POU6F2: variants seen among roughly 807,000 people sequenced by gnomAD.
POU6F2 encodes the protein POU class 6 homeobox 2, also known as POU domain, class 6, transcription factor 2.
Under a neutral mutation model 71.3 loss-of-function variants are expected in POU6F2, and 31 were observed. The observed-to-expected ratio is 0.43, with a 90% CI of 0.33 to 0.59. The LOEUF (loss-of-function observed/expected upper bound fraction) is 0.59. Among genes scored for constraint, POU6F2 ranks in the 20% least tolerant of loss-of-function variants. The pLI is 0.04. For missense variants in POU6F2, 783 were observed against 856.8 expected (o/e 0.91, Z 1.07); for synonymous variants, 347 against 355.7 (o/e 0.98, Z 0.27).
In POU6F2 at chr7:39,208,577, GT is replaced by G. The variant is rs533673490; in HGVS notation, c.598+958del. On this transcript the variant is annotated intron_variant, in intron 4 of 9. Transcript: ENST00000518318. Reference sequence around the variant, plus strand: ...TCCACAAGACTAAGAAACAGACCAAGTAAGAACTGTTCACTCTTGACCCAAA... The same window carrying G: ...TCCACAAGACTAAGAAACAGACCAAGAAGAACTGTTCACTCTTGACCCAAA... Among the ~76,000 whole-genome samples, 13 of 152,318 alleles carry G rather than the reference GT, an allele frequency of 8.5e-5. No homozygotes were observed. The South Asian group carries it at 2.5e-3, about 29-fold the overall frequency.
chr7:39,026,149 G>A (rs1789795375), intron 1 of POU6F2, among the ~76,000 whole-genome samples: 1 of 151,800 alleles, frequency 6.6e-6, no homozygotes, highest in Non-Finnish European at 1.5e-5. Flanking sequence ...TACACTGTTG[G>A]TGGGACTGTA....
chr7:39,407,859 G>A (rs780440914), intron 6 of POU6F2, among the ~76,000 whole-genome samples: 5 of 152,118 alleles, frequency 3.3e-5, no homozygotes, highest in South Asian at 2.1e-4. Context: ...TCAGAACCCC[G>A]AGGGCTGAAC....
At chr7:39,211,849 G>A (rs867688691) in intron 4 of POU6F2, among the ~76,000 whole-genome samples, 19 of 152,204 alleles carry the variant, frequency 1.2e-4, no homozygotes, top group Middle Eastern at 6.8e-3. Context: ...CTTCTCCTGC[G>A]CCCTCCAGGA....
chr7:39,048,539 A>G (rs1461624535), intron 1 of POU6F2, among the ~76,000 whole-genome samples: 2 of 151,956 alleles, frequency 1.3e-5, no homozygotes, highest in Non-Finnish European at 2.9e-5. Context: ...ATGGCTGCCT[A>G]ATAGTCCATG....
At chr7:39,079,274 C>T (rs112929982) in intron 1 of POU6F2, among the ~76,000 whole-genome samples, 36,353 of 149,166 alleles carry the variant, frequency 0.24, 4,616 homozygotes, top group South Asian at 0.4. Context: ...CTGCAACCTC[C>T]GCCTCCCAAG....
At chr7:39,009,763 T>G (rs1461135345) in intron 1 of POU6F2, among the ~76,000 whole-genome samples, 1 of 151,698 alleles carries the variant, frequency 6.6e-6, no homozygotes, top group Non-Finnish European at 1.5e-5. Context: ...AGGCTTTTTC[T>G]GCATCTATTG....
chr7:39,021,745 T>C (rs1190272266), intron 1 of POU6F2, among the ~76,000 whole-genome samples: 1 of 152,064 alleles, frequency 6.6e-6, no homozygotes, highest in Non-Finnish European at 1.5e-5. Context: ...AATCCTTTCA[T>C]TTTAAAATGT....
intron 5 of POU6F2, among the ~76,000 whole-genome samples, chr7:39,371,474 C>T (rs561962658): frequency 8.5e-5 from 13 of 152,280 alleles, no homozygotes; most frequent in Admixed American, 2.0e-4. Flanking sequence ...CCACCACGCC[C>T]GGCCGAGAAT....
intron 2 of POU6F2, among the ~76,000 whole-genome samples, chr7:39,093,729 C>A (rs1791399278): frequency 6.6e-6 from 1 of 152,082 alleles, no homozygotes; most frequent in African/African-American, 2.4e-5. Context: ...GATATTAACA[C>A]AGTGTTTTAA....
At chr7:39,053,163 C>A (rs1054743977) in intron 1 of POU6F2, among the ~76,000 whole-genome samples, 2 of 152,124 alleles carry the variant, frequency 1.3e-5, no homozygotes, top group African/African-American at 4.8e-5. Context: ...GAACTTAGTG[C>A]TCCCTTTTCA....
At chr7:39,167,381 A>G (rs1265433712) in intron 2 of POU6F2, among the ~76,000 whole-genome samples, 1 of 152,206 alleles carries the variant, frequency 6.6e-6, no homozygotes, top group African/African-American at 2.4e-5. Context: ...GCAATTACTC[A>G]TAATTTACTT....
intron 4 of POU6F2, among the ~76,000 whole-genome samples, chr7:39,246,927 T>TTTTTTTTTTTTTTC (rs1783831669): frequency 1.0e-5 from 1 of 97,284 alleles, no homozygotes; most frequent in African/African-American, 3.4e-5. Flanking sequence ...TTTTTTTTTT[T>TTTTTTTTTTTTTTC]TGCGACGGAG....
At chr7:39,403,277 T>C (rs900159919) in intron 5 of POU6F2, among the ~76,000 whole-genome samples, 2 of 152,212 alleles carry the variant, frequency 1.3e-5, no homozygotes, top group African/African-American at 4.8e-5. Flanking sequence ...TAGTGGGATT[T>C]AGACTCCAGA....
intron 2 of POU6F2, among the ~76,000 whole-genome samples, chr7:39,157,358 A>G (rs1792892393): frequency 6.6e-6 from 1 of 152,064 alleles, no homozygotes; most frequent in Non-Finnish European, 1.5e-5. Context: ...TGGATCTGTC[A>G]TCTTTTTTTT....
At chr7:39,214,189 A>G (rs1263034140) in intron 4 of POU6F2, among the ~76,000 whole-genome samples, 1 of 152,010 alleles carries the variant, frequency 6.6e-6, no homozygotes, top group Non-Finnish European at 1.5e-5. Context: ...CTTCTCTTTC[A>G]ATTAAATCAG....
chr7:39,340,128 G>A, intron 5 of POU6F2, 113 bp downstream of exon 5: 1 of 1,367,652 alleles, frequency 7.3e-7, no homozygotes, highest in Non-Finnish European at 9.7e-7. Flanking sequence ...CAGTTCTGCA[G>A]CATCTAATTC....
chr7:39,141,968 T>A (rs1398609298), intron 2 of POU6F2, among the ~76,000 whole-genome samples: 1 of 152,012 alleles, frequency 6.6e-6, no homozygotes, highest in African/African-American at 2.4e-5. Context: ...ACACCTGTAG[T>A]CCCACCTACT....
chr7:39,156,038 CA>C (rs936917894), intron 2 of POU6F2, among the ~76,000 whole-genome samples: 47 of 152,076 alleles, frequency 3.1e-4, no homozygotes, highest in African/African-American at 1.1e-3. Context: ...TGTTAGTTTC[CA>C]AAAAATACAT....
intron 2 of POU6F2, among the ~76,000 whole-genome samples, chr7:39,163,372 C>T (rs1286100017): frequency 2.0e-5 from 3 of 152,180 alleles, no homozygotes; most frequent in Non-Finnish European, 2.9e-5. Flanking sequence ...AGGAGTAACA[C>T]AGAGAACACG....
Sources: gnomAD v4.1 joint callset for allele counts (sites outside exome capture counted in the v4.1 genomes callset) on GRCh38, gnomAD v4.1.1 for gene constraint, MANE v1.5 for transcripts, NCBI Gene and HGNC (gene_info 2026-07-23, HGNC 2026-07-21) for gene names.